Variants in SPTBN1 observed in about 807,000 individuals in gnomAD.
SPTBN1 encodes spectrin beta chain, non-erythrocytic 1.
SPTBN1 carries 32 observed loss-of-function variants against 266.4 expected under a neutral mutation model. That is an observed-to-expected ratio of 0.12 (90% CI 0.09 to 0.16). SPTBN1 has a LOEUF of 0.16. SPTBN1 is among the 10% of genes least tolerant of loss of function. The pLI is 1.00. For missense variants in SPTBN1, 2,296 were observed against 3,067.1 expected (o/e 0.75, Z 5.94); for synonymous variants, 1,336 against 1,162.2 (o/e 1.15, Z -3.04).
At chr2:54,632,419 C>A in intron 16 of SPTBN1, 147 bp from the exon 17 acceptor site, 1 of 913,822 alleles carries the variant, frequency 1.1e-6, no homozygotes, top group Non-Finnish European at 1.6e-6. Flanking sequence ...GGTTTTTTTC[C>A]TCCTAACTTT....
chr2:54,615,802 G>T (rs867103832), intron 4 of SPTBN1, among the ~76,000 whole-genome samples: 1 of 152,218 alleles, frequency 6.6e-6, no homozygotes, highest in African/African-American at 2.4e-5. Context: ...TGCACACAGT[G>T]CCCTCATCAA....
intron 7 of SPTBN1, 34 bp downstream of exon 7, chr2:54,618,227 A>T: frequency 6.5e-7 from 1 of 1,543,940 alleles, no homozygotes; most frequent in Non-Finnish European, 9.0e-7. Context: ...TGGGATTTTT[A>T]GCATCTGTAC....
chr2:54,618,886 C>T (rs745922811), intron 7 of SPTBN1, among the ~76,000 whole-genome samples: 9 of 152,200 alleles, frequency 5.9e-5, no homozygotes, highest in African/African-American at 1.2e-4. Flanking sequence ...CTCTGTGAGT[C>T]CCTGTGTAAC....
intron 3 of SPTBN1, among the ~76,000 whole-genome samples, chr2:54,600,498 T>G (rs1262173107): frequency 6.6e-6 from 1 of 152,176 alleles, no homozygotes; most frequent in African/African-American, 2.4e-5. Context: ...AGTTGATTTG[T>G]GGTCTGGGGG....
At chr2:54,622,033 A>T (rs1678023263) in intron 8 of SPTBN1, among the ~76,000 whole-genome samples, 1 of 152,192 alleles carries the variant, frequency 6.6e-6, no homozygotes, top group African/African-American at 2.4e-5. Context: ...ATCATTCAGA[A>T]TCTCTTTGCT....
At chr2:54,630,218 C>G (rs1678641532) in intron 15 of SPTBN1, among the ~76,000 whole-genome samples, 189 bp downstream of exon 15, 1 of 152,230 alleles carries the variant, frequency 6.6e-6, no homozygotes, top group South Asian at 2.1e-4. Flanking sequence ...AGGGCAACAT[C>G]ATTGGTTGCA....
chr2:54,642,533 T>G (rs72806646), intron 18 of SPTBN1, among the ~76,000 whole-genome samples: 8 of 70,604 alleles, frequency 1.1e-4, no homozygotes, highest in South Asian at 1.1e-3. Flanking sequence ...TAAGTAGTTT[T>G]TTTTTTTTTT....
At chr2:54,528,138 A>C (rs1171550323) in intron 2 of SPTBN1, 1 of 152,666 alleles carries the variant, frequency 6.6e-6, no homozygotes, top group Non-Finnish European at 1.5e-5. Context: ...TATGGAGATC[A>C]TGACCCTGGC....
intron 1 of SPTBN1, among the ~76,000 whole-genome samples, chr2:54,495,283 A>C (rs965938663): frequency 6.6e-6 from 1 of 152,096 alleles, no homozygotes; most frequent in African/African-American, 2.4e-5. Flanking sequence ...GACAAAATCA[A>C]CTCGGCTTTG....
chr2:54,602,081 G>A (rs1676534593), intron 3 of SPTBN1, among the ~76,000 whole-genome samples: 2 of 152,184 alleles, frequency 1.3e-5, no homozygotes, highest in African/African-American at 4.8e-5. Context: ...TGAGAAGGCT[G>A]AGAGCTGGGC....
intron 18 of SPTBN1, among the ~76,000 whole-genome samples, chr2:54,638,418 C>T (rs556974074): frequency 6.6e-6 from 1 of 152,320 alleles, no homozygotes; most frequent in African/African-American, 2.4e-5. Context: ...TCGCTTAAGA[C>T]CTTCATCTAT....
At chr2:54,633,846 C>T (rs574946583) in intron 17 of SPTBN1, among the ~76,000 whole-genome samples, 2 of 152,270 alleles carry the variant, frequency 1.3e-5, no homozygotes, top group South Asian at 4.1e-4. Context: ...AGATTGAGCT[C>T]CTGTCTTTAC....
At chr2:54,650,539 T>C (rs970419417) in intron 26 of SPTBN1, among the ~76,000 whole-genome samples, 3 of 152,266 alleles carry the variant, frequency 2.0e-5, no homozygotes, top group South Asian at 2.1e-4. Flanking sequence ...TTTAGTCTTA[T>C]GCCTTTTAGT....
chr2:54,542,781 A>G (rs567475373), intron 2 of SPTBN1, among the ~76,000 whole-genome samples: 1 of 152,160 alleles, frequency 6.6e-6, no homozygotes, highest in African/African-American at 2.4e-5. Flanking sequence ...ATGCTCTCCA[A>G]GGGGATGGGA....
At chr2:54,641,075 G>C (rs1679510296) in intron 18 of SPTBN1, among the ~76,000 whole-genome samples, 1 of 152,154 alleles carries the variant, frequency 6.6e-6, no homozygotes, top group Non-Finnish European at 1.5e-5. Flanking sequence ...TCTTTTTCCA[G>C]TCTGCACAGT....
At chr2:54,633,248 C>G (rs759672920) in intron 17 of SPTBN1, among the ~76,000 whole-genome samples, 5 of 152,144 alleles carry the variant, frequency 3.3e-5, no homozygotes, top group Non-Finnish European at 7.4e-5. Flanking sequence ...GGAACATTAC[C>G]TGGACTTTTT....
intron 1 of SPTBN1, chr2:54,516,293 T>C (rs1412573177): frequency 6.6e-6 from 1 of 152,204 alleles, no homozygotes; most frequent in African/African-American, 2.4e-5. Context: ...AAAAGGTTGC[T>C]GAGGAGGATG....
chr2:54,642,529 G>GTTTT (rs531997353), intron 18 of SPTBN1, among the ~76,000 whole-genome samples: 1,573 of 92,240 alleles, frequency 0.017, 11 homozygotes, highest in African/African-American at 0.026. Flanking sequence ...TAAATAAGTA[G>GTTTT]TTTTTTTTTT....
At position 54,670,387 on chromosome 2, in the gene SPTBN1, A is replaced by C. The variant is rs190939852; in HGVS notation, c.*1818A>C. The C allele has an allele frequency of 3.0e-4, 83 of 276,798 alleles. 1 individual carries two copies. Among genetic ancestry groups the C allele is most frequent in the Non-Finnish European group, 4.9e-4 (73 of 149,044 alleles). The allele number at this position is 276,798 out of a possible 1,614,324, so 17.1% of individuals were successfully genotyped here. ...ATATTAGTATTATGGATGTCCAGTA[A>C]GTTATTCCACAAAGACCATGCCTAA... On this transcript the variant is annotated 3_prime_UTR_variant, in exon 36 of 36. Coordinates refer to ENST00000356805, the MANE Select transcript of SPTBN1 (RefSeq NM_003128.3).
Sources: allele counts gnomAD v4.1 joint callset (sites outside exome capture counted in the v4.1 genomes callset), GRCh38; gene constraint gnomAD v4.1.1; transcripts MANE v1.5; gene names NCBI Gene and HGNC (gene_info 2026-07-23, HGNC 2026-07-21).